Variants in NGEF observed in about 807,000 individuals in gnomAD.
The protein encoded by NGEF is neuronal guanine nucleotide exchange factor.
NGEF carries 31 observed loss-of-function variants against 80.9 expected under a neutral mutation model. The ratio of observed to expected loss-of-function variants is 0.38; its 90% CI spans 0.29 to 0.52. The LOEUF (loss-of-function observed/expected upper bound fraction) is 0.52. NGEF is among the 20% of genes least tolerant of loss of function. NGEF has a pLI of 0.84. For missense variants in NGEF, 709 were observed against 926.2 expected (o/e 0.77, Z 3.04); for synonymous variants, 371 against 370.2 (o/e 1.00, Z -0.03).
chr2:232,905,384 G>A (rs377734773), intron 5 of NGEF, among the ~76,000 whole-genome samples: 3,557 of 148,708 alleles, frequency 0.024, 146 homozygotes, highest in African/African-American at 0.083. Context: ...GATTGCAGAC[G>A]GAGTCTCGTT....
intron 11 of NGEF, among the ~76,000 whole-genome samples, chr2:232,883,759 G>A (rs1012736647): frequency 2.0e-5 from 3 of 152,196 alleles, no homozygotes; most frequent in Non-Finnish European, 4.4e-5. Context: ...ACAGCCCTAC[G>A]AGTAAAACCC....
rs910326998 is a variant in NGEF, at chr2:232,963,014, T to C, written c.383+7200A>G. Among the ~76,000 whole-genome samples, 38 of 151,970 alleles carry C rather than the reference T, an allele frequency of 2.5e-4. 1 individual carries two copies. The highest frequency in any genetic ancestry group is 8.7e-4 in the African/African-American group (36 of 41,222). ...GACAATGCAATTTCAACTGAAATTC[T>C]AGCTGAATTTTTTTTGGTAGAAATT... On this transcript the variant is annotated intron_variant, in intron 3 of 14. Coordinates refer to ENST00000264051, the MANE Select transcript of NGEF (RefSeq NM_019850.3).
At chr2:232,917,139 A>C (rs1030467810) in intron 5 of NGEF, among the ~76,000 whole-genome samples, 2 of 152,252 alleles carry the variant, frequency 1.3e-5, no homozygotes, top group African/African-American at 4.8e-5. Context: ...TTTTTATGAA[A>C]ACTGAGCTGA....
At chr2:232,945,219 AT>A (rs1290561632) in intron 3 of NGEF, among the ~76,000 whole-genome samples, 4 of 152,116 alleles carry the variant, frequency 2.6e-5, no homozygotes, top group Non-Finnish European at 5.9e-5. Flanking sequence ...AGTTCAAGTA[AT>A]TTTTCAACAT....
intron 1 of NGEF, among the ~76,000 whole-genome samples, chr2:232,988,674 C>G (rs1158114191): frequency 6.6e-6 from 1 of 152,172 alleles, no homozygotes; most frequent in Non-Finnish European, 1.5e-5. Context: ...GCAGGTGACT[C>G]ACTCCAGCAT....
At chr2:232,897,228 C>CCTGA (rs1692127611) in intron 5 of NGEF, among the ~76,000 whole-genome samples, 2 of 151,926 alleles carry the variant, frequency 1.3e-5, no homozygotes, top group Admixed American at 1.3e-4. Flanking sequence ...TCATCAGAGC[C>CCTGA]CTGACCCAGG....
chr2:232,895,654 C>T (rs1692031576), intron 5 of NGEF, among the ~76,000 whole-genome samples: 1 of 152,174 alleles, frequency 6.6e-6, no homozygotes, highest in South Asian at 2.1e-4. Flanking sequence ...TTCCTCCACG[C>T]CCAGCAGAAA....
intron 9 of NGEF, among the ~76,000 whole-genome samples, chr2:232,887,390 T>G (rs756274999): frequency 5.3e-5 from 8 of 152,118 alleles, no homozygotes; most frequent in Non-Finnish European, 1.2e-4. Flanking sequence ...CAGGAGATGG[T>G]CTGGAGAGAT....
intron 1 of NGEF, among the ~76,000 whole-genome samples, chr2:233,008,953 C>T (rs922232329): frequency 1.3e-5 from 2 of 151,924 alleles, no homozygotes; most frequent in East Asian, 1.9e-4. Flanking sequence ...GGTGCCACTA[C>T]GCCCAGTTAA....
intron 3 of NGEF, among the ~76,000 whole-genome samples, chr2:232,954,408 T>G (rs1206714744): frequency 6.6e-6 from 1 of 151,966 alleles, no homozygotes; most frequent in Non-Finnish European, 1.5e-5. Context: ...TGATGAGATA[T>G]TGTAGGATGC....
In NGEF at chr2:232,882,183, T is replaced by C. The variant is rs762620311; in HGVS notation, c.1837+3A>G. 2.5e-6 allele frequency: 4 copies of C among 1,613,306 alleles called. No individual in the cohort carries two copies. The highest frequency in any genetic ancestry group is 2.5e-6 in the Non-Finnish European group (3 of 1,179,702). On this transcript the variant is annotated splice_donor_region_variant and intron_variant, in intron 13 of 14. Coordinates refer to ENST00000264051, the MANE Select transcript of NGEF (RefSeq NM_019850.3). ...GGCGCCCCCTTACCCACCGGTGACT[T>C]ACCCAGCAGCCGGGATGTGAACGAA...
intron 5 of NGEF, among the ~76,000 whole-genome samples, chr2:232,900,865 C>G (rs1350581956): frequency 6.6e-6 from 1 of 152,232 alleles, no homozygotes; most frequent in Non-Finnish European, 1.5e-5. Flanking sequence ...GGGGCCAGGA[C>G]CAGGACCTGA....
At chr2:232,991,895 A>G (rs1473401147) in intron 1 of NGEF, among the ~76,000 whole-genome samples, 3 of 152,222 alleles carry the variant, frequency 2.0e-5, no homozygotes, top group East Asian at 3.9e-4. Flanking sequence ...GGTCAAGAGA[A>G]TAGAATTGGG....
At chr2:232,959,014 A>G (rs1475774084) in intron 3 of NGEF, among the ~76,000 whole-genome samples, 1 of 152,238 alleles carries the variant, frequency 6.6e-6, no homozygotes, top group Non-Finnish European at 1.5e-5. Flanking sequence ...TACCATTAGC[A>G]TGCCTAAAGA....
Position 233,003,571 on chromosome 2 carries a change from A to G in NGEF, c.-75+9497T>C, listed in dbSNP as rs138924627. 5.0e-3 allele frequency among the ~76,000 whole-genome samples: 758 copies of G among 151,818 alleles called. 1 individual carries two copies. Among genetic ancestry groups the G allele is most frequent in the South Asian group, 9.8e-3 (47 of 4,800 alleles). On this transcript the variant is annotated intron_variant, in intron 1 of 14. Transcript: ENST00000264051. ...TGTTCCTGGGCTGGCCTGAGAAGCC[A>G]CTCCACACACATACCACCCTGCCCT...
intron 3 of NGEF, among the ~76,000 whole-genome samples, chr2:232,960,220 G>A (rs921055407): frequency 1.3e-5 from 2 of 152,218 alleles, no homozygotes; most frequent in Non-Finnish European, 2.9e-5. Flanking sequence ...ACTTATAAAA[G>A]CACATATTAA....
intron 1 of NGEF, among the ~76,000 whole-genome samples, chr2:232,976,750 G>T (rs904474551): frequency 6.6e-6 from 1 of 152,242 alleles, no homozygotes; most frequent in African/African-American, 2.4e-5. Context: ...GCTGGGCCAC[G>T]TGCAGGGGCA....
chr2:232,982,519 G>A (rs1039395944), intron 1 of NGEF, among the ~76,000 whole-genome samples: 1 of 152,064 alleles, frequency 6.6e-6, no homozygotes, highest in Non-Finnish European at 1.5e-5. Flanking sequence ...GTTTGTCTTG[G>A]GCCTTTTTTT....
At chr2:232,898,197 G>T (rs1692159561) in intron 5 of NGEF, among the ~76,000 whole-genome samples, 1 of 152,244 alleles carries the variant, frequency 6.6e-6, no homozygotes, top group African/African-American at 2.4e-5. Context: ...TCACAAAACT[G>T]ATACGAATGA....
Sources: allele counts gnomAD v4.1 joint callset (sites outside exome capture counted in the v4.1 genomes callset), GRCh38; gene constraint gnomAD v4.1.1; transcripts MANE v1.5; gene names NCBI Gene and HGNC (gene_info 2026-07-23, HGNC 2026-07-21).